The following CACNA1B variants were observed in gnomAD, a reference collection of about 807,000 sequenced individuals.
CACNA1B encodes calcium voltage-gated channel subunit alpha1 B.
In CACNA1B, 70 loss-of-function variants were observed where a neutral mutation model predicts 247.2. That is an observed-to-expected ratio of 0.28 (90% CI 0.23 to 0.35). The LOEUF is 0.35. Ranked by LOEUF, CACNA1B falls within the 10% of genes least tolerant of loss-of-function variation. The pLI, the probability that CACNA1B is intolerant of heterozygous loss-of-function variation, is 1.00. For missense variants in CACNA1B, 2,367 were observed against 3,197.4 expected, an observed-to-expected ratio of 0.74 and a Z score of 6.26; for synonymous variants, 1,231 against 1,294.4, an observed-to-expected ratio of 0.95 and a Z score of 1.05.
At position 138,094,142 on chromosome 9, in the gene CACNA1B, G is replaced by T. The variant is rs79850697; in HGVS notation, c.5095-2342G>T. 2.6e-5 allele frequency among the ~76,000 whole-genome samples: 4 copies of T among 152,228 alleles called. No homozygotes were observed. The East Asian group carries it at 7.7e-4, about 29-fold the overall frequency. On this transcript the variant is annotated intron_variant, in intron 36 of 46. Transcript: ENST00000371372. Reference sequence around the variant, plus strand: ...TACAATGTGAATAAACCTTGAAGACGTTATGTTAGGTGAAATAAGCTAGTC... The same window carrying T: ...TACAATGTGAATAAACCTTGAAGACTTTATGTTAGGTGAAATAAGCTAGTC...
At chr9:138,021,361 C>T (rs185196259) in intron 18 of CACNA1B, among the ~76,000 whole-genome samples, 7 of 152,242 alleles carry the variant, frequency 4.6e-5, no homozygotes, top group East Asian at 1.9e-4. Flanking sequence ...ACCACACTTC[C>T]GCTTTCATTC....
chr9:137,906,889 G>A (rs1394566616), intron 3 of CACNA1B, among the ~76,000 whole-genome samples: 1 of 152,208 alleles, frequency 6.6e-6, no homozygotes, highest in Non-Finnish European at 1.5e-5. Context: ...CCCCTGGTCT[G>A]CATTTCTCTG....
In CACNA1B at chr9:137,920,724, G is replaced by A. The variant is rs1044727547; in HGVS notation, c.966+3293G>A. On this transcript the variant is annotated intron_variant, in intron 6 of 46. Transcript: ENST00000371372. Reference sequence around the variant, plus strand: ...TGCTTATGTTCATTGTACTAGTTCCGTGAAGATCCAAGTTTGAAAGTGTTC... The same window carrying A: ...TGCTTATGTTCATTGTACTAGTTCCATGAAGATCCAAGTTTGAAAGTGTTC... 4.6e-5 allele frequency among the ~76,000 whole-genome samples: 7 copies of A among 152,288 alleles called. No homozygotes were observed. In the South Asian group the frequency reaches 1.2e-3, roughly 27 times the overall value.
intron 10 of CACNA1B, among the ~76,000 whole-genome samples, chr9:137,967,070 A>G (rs1345088925): frequency 6.6e-6 from 1 of 151,198 alleles, no homozygotes; most frequent in Non-Finnish European, 1.5e-5. Flanking sequence ...TCTATTCTTC[A>G]TCCCAAGTTC....
At chr9:137,948,581 A>C (rs960688061) in intron 6 of CACNA1B, among the ~76,000 whole-genome samples, 2 of 150,950 alleles carry the variant, frequency 1.3e-5, no homozygotes, top group African/African-American at 2.4e-5. Flanking sequence ...TCAATTCAGA[A>C]TTTCATTTTG....
chr9:137,966,546 ATTTTTTT>A (rs1958078733), intron 10 of CACNA1B, among the ~76,000 whole-genome samples: 2 of 110,722 alleles, frequency 1.8e-5, no homozygotes, highest in Admixed American at 1.8e-4. Flanking sequence ...TTTATTTTTT[ATTTTTTT>A]AATGAGACGG....
Position 137,955,774 on chromosome 9 carries a change from C to G in CACNA1B, c.1147C>G (p.Arg383Gly). The change falls in exon 8 of 47, where the codon CGA (arginine) becomes GGA (glycine). Residue 383 changes from arginine (R) to glycine (G), a missense_variant. Arg to Gly is a moderately radical substitution (Grantham distance 125). Coordinates refer to ENST00000371372, the MANE Select transcript of CACNA1B (RefSeq NM_000718.4). This position sits in a 1 kb window ranked among gnomAD's most constrained non-coding sequence, Gnocchi z 6.9. ...LKLRRQQQIE[R>G]ELNGYLEWIF... is the part of the protein sequence containing the mutation. Reference sequence around the variant, plus strand: ...GCTGCGCCGGCAGCAGCAGATCGAGCGAGAGCTCAACGGGTACCTGGAGTG... The same window carrying G: ...GCTGCGCCGGCAGCAGCAGATCGAGGGAGAGCTCAACGGGTACCTGGAGTG... 1 of 1,612,088 alleles carries G rather than the reference C, an allele frequency of 6.2e-7. No individual in the cohort carries two copies. The highest frequency in any genetic ancestry group is 1.1e-5 in the South Asian group (1 of 90,578).
intron 6 of CACNA1B, among the ~76,000 whole-genome samples, chr9:137,939,851 A>AAATAAAT (rs1564198569): frequency 8.8e-4 from 67 of 76,528 alleles, no homozygotes; most frequent in East Asian, 2.3e-3. Flanking sequence ...AATAAATAAA[A>AAATAAAT]AAAAATAAAA....
chr9:138,107,842 G>C (rs184889386), intron 39 of CACNA1B, among the ~76,000 whole-genome samples: 2 of 152,062 alleles, frequency 1.3e-5, no homozygotes, highest in East Asian at 3.9e-4. Context: ...AAAATTAGCC[G>C]GGCATGGTGG....
At position 138,121,008 on chromosome 9, in the gene CACNA1B, G is replaced by T. The variant is rs766167914; in HGVS notation, c.6489+127G>T. On this transcript the variant is annotated intron_variant, in intron 46 of 46. Coordinates refer to ENST00000371372, the MANE Select transcript of CACNA1B (RefSeq NM_000718.4). This position sits in a 1 kb window ranked among gnomAD's most constrained non-coding sequence, Gnocchi z 6.8. ...CTTTGTCATTCCCAGCAACCCAAGG[G>T]CCGGGCGCTCCCCTCTGTGCCCTGT... is the stretch of plus-strand genomic sequence containing the variant. The T allele has an allele frequency of 1.8e-4, 199 of 1,135,424 alleles. No individual in the cohort carries two copies. Among genetic ancestry groups the T allele is most frequent in the Non-Finnish European group, 2.2e-4 (179 of 815,486 alleles). 70.3% of individuals were successfully genotyped at this position (1,135,424 alleles called of 1,614,324 possible). A position where few individuals can be genotyped will look rare whatever the true frequency, so the allele number is the denominator to read the frequency against.
At chr9:137,978,474 C>G (rs888757235) in intron 12 of CACNA1B, among the ~76,000 whole-genome samples, 2 of 148,654 alleles carry the variant, frequency 1.3e-5, no homozygotes, top group African/African-American at 5.0e-5. Context: ...AGCACTACCC[C>G]TTCCATGAAG....
chr9:137,897,575 G>A (rs757252377), intron 3 of CACNA1B, among the ~76,000 whole-genome samples: 7 of 152,024 alleles, frequency 4.6e-5, no homozygotes, highest in Non-Finnish European at 7.4e-5. Flanking sequence ...GCAAGACTCC[G>A]TCTCAAAAAA....
At position 137,917,456 on chromosome 9, in the gene CACNA1B, C is replaced by G. The variant is rs765100135; in HGVS notation, c.966+25C>G. On this transcript the variant is annotated intron_variant, in intron 6 of 46. Coordinates refer to ENST00000371372, the MANE Select transcript of CACNA1B (RefSeq NM_000718.4). This position sits in a 1 kb window ranked among gnomAD's most constrained non-coding sequence, Gnocchi z 5.5. ...TGTGAGTGGCGTCTTGGCCCTGGGC[C>G]TGAGGGCAGGCCCTGGACCTCCTGA... The G allele has an allele frequency of 6.2e-7, 1 of 1,604,654 alleles. No individual in the cohort carries two copies. Among genetic ancestry groups the G allele is most frequent in the South Asian group, 1.1e-5 (1 of 89,762 alleles).
Position 137,926,869 on chromosome 9 carries a change from C to A in CACNA1B, c.966+9438C>A, listed in dbSNP as rs552469291. ...AAGAAATGTCTGTTGGAGTTCCTTG[C>A]CCATTTTTGAATCTGTTGTTTTGGT... On this transcript the variant is annotated intron_variant, in intron 6 of 46. Transcript: ENST00000371372. 3.5e-4 allele frequency among the ~76,000 whole-genome samples: 54 copies of A among 152,290 alleles called. 1 individual carries two copies. The highest frequency in any genetic ancestry group is 1.2e-3 in the African/African-American group (51 of 41,558).
intron 19 of CACNA1B, among the ~76,000 whole-genome samples, chr9:138,024,115 G>A (rs1958889741): frequency 6.6e-6 from 1 of 152,258 alleles, no homozygotes; most frequent in African/African-American, 2.4e-5. Flanking sequence ...AGGGGGAATT[G>A]TTGCGACTGG....
chr9:138,064,177 C>T lies in CACNA1B; in HGVS notation c.4668+4440C>T, dbSNP rs143399523. 6.8e-4 allele frequency among the ~76,000 whole-genome samples: 103 copies of T among 152,336 alleles called. 1 individual carries two copies. The highest frequency in any genetic ancestry group is 6.6e-3 in the South Asian group (32 of 4,826). ...TGTATCCAACAGCCTTCAAAACCTC[C>T]GGGTATTCTTTCTCCAGTGTGCAAT... On this transcript the variant is annotated intron_variant, in intron 31 of 46. Transcript: ENST00000371372.
At chr9:137,896,091 T>G (rs1251238160) in intron 3 of CACNA1B, among the ~76,000 whole-genome samples, 1 of 152,090 alleles carries the variant, frequency 6.6e-6, no homozygotes, top group East Asian at 1.9e-4. Context: ...TACAAAAAGT[T>G]AGCCGGGTGT....
intron 6 of CACNA1B, among the ~76,000 whole-genome samples, chr9:137,923,912 G>T (rs1360925228): frequency 6.6e-6 from 1 of 152,162 alleles, no homozygotes; most frequent in Admixed American, 6.5e-5. Flanking sequence ...CATCTTTCTG[G>T]ACTTATTTGC....
chr9:137,939,492 G>A (rs1484822507), intron 6 of CACNA1B, among the ~76,000 whole-genome samples: 10 of 151,974 alleles, frequency 6.6e-5, no homozygotes, highest in African/African-American at 1.2e-4. Flanking sequence ...AAATCAAGAC[G>A]GAAATTTAAA....
Sources: gnomAD v4.1 joint callset for allele counts (sites outside exome capture counted in the v4.1 genomes callset) on GRCh38, gnomAD v4.1.1 for gene constraint, Gnocchi (gnomAD v3.1) non-coding constraint, MANE v1.5 for transcripts, NCBI Gene and HGNC (gene_info 2026-07-23, HGNC 2026-07-21) for gene names.